The following DISP1 variants were observed in gnomAD, a reference collection of about 807,000 sequenced individuals.
The protein encoded by DISP1 is dispatched RND transporter family member 1, also known as protein dispatched homolog 1.
A neutral mutation model predicts 37.3 loss-of-function variants in DISP1; 30 were observed. That is an observed-to-expected ratio of 0.80 (90% CI 0.60 to 1.09). The LOEUF is 1.09. Ranked by LOEUF, DISP1 falls within the 50% of genes least tolerant of loss-of-function variation. The pLI is 0.00. For synonymous variants in DISP1, 634 were observed against 690.2 expected (o/e 0.92, Z 1.28); for missense variants, 1,598 against 1,879.5 (o/e 0.85, Z 2.77).
chr1:222,824,369 A>G (rs1663747255), intron 1 of DISP1, among the ~76,000 whole-genome samples: 1 of 152,172 alleles, frequency 6.6e-6, no homozygotes, highest in African/African-American at 2.4e-5. Context: ...TTTTGGAGAG[A>G]TTAATTTGTC....
chr1:222,820,485 G>C (rs908655796), intron 1 of DISP1, among the ~76,000 whole-genome samples: 12 of 152,256 alleles, frequency 7.9e-5, no homozygotes, highest in Non-Finnish European at 1.6e-4. Context: ...AGATAGAAAA[G>C]CATGGTGCTT....
chr1:222,887,231 T>C (rs1292420984), intron 1 of DISP1, among the ~76,000 whole-genome samples: 1 of 152,210 alleles, frequency 6.6e-6, no homozygotes, highest in Non-Finnish European at 1.5e-5. Context: ...ATGTTGCTTG[T>C]TAAGGCAGGC....
At chr1:222,902,227 T>C (rs1294903521) in intron 1 of DISP1, among the ~76,000 whole-genome samples, 1 of 152,220 alleles carries the variant, frequency 6.6e-6, no homozygotes, top group Non-Finnish European at 1.5e-5. Context: ...CTTGCTTTTC[T>C]AGTTCTTTTA....
chr1:222,977,184 C>G (rs771478770), intron 3 of DISP1, among the ~76,000 whole-genome samples: 20 of 147,002 alleles, frequency 1.4e-4, no homozygotes, highest in Admixed American at 7.0e-5. Flanking sequence ...CATGCACCAC[C>G]ATGCCCGGCT....
At chr1:222,975,448 C>A (rs1190568387) in intron 3 of DISP1, among the ~76,000 whole-genome samples, 1 of 152,144 alleles carries the variant, frequency 6.6e-6, no homozygotes, top group African/African-American at 2.4e-5. Flanking sequence ...CTCCCCTTCT[C>A]CTTCCAAAAA....
intron 3 of DISP1, among the ~76,000 whole-genome samples, chr1:222,963,734 G>A (rs115417512): frequency 6.6e-6 from 1 of 151,626 alleles, no homozygotes; most frequent in African/African-American, 2.4e-5. Flanking sequence ...ATGGACACTG[G>A]GGGGGAACAA....
chr1:222,971,112 T>TA (rs1433405541), intron 3 of DISP1, among the ~76,000 whole-genome samples: 7 of 152,148 alleles, frequency 4.6e-5, no homozygotes, highest in African/African-American at 1.7e-4. Flanking sequence ...CGCTGATTGT[T>TA]AGAGTTTTGC....
intron 3 of DISP1, among the ~76,000 whole-genome samples, chr1:222,962,727 A>G (rs1188028265): frequency 6.6e-6 from 1 of 152,232 alleles, no homozygotes; most frequent in African/African-American, 2.4e-5. Context: ...GGCTGGCCAT[A>G]TGCAGAAAAC....
chr1:222,955,245 C>T (rs1675515106), intron 3 of DISP1, among the ~76,000 whole-genome samples: 1 of 151,976 alleles, frequency 6.6e-6, no homozygotes, highest in Non-Finnish European at 1.5e-5. Context: ...TGCCACCATG[C>T]CCAGCTAATT....
rs753886707 is a variant in DISP1 at position 223,003,322 on chromosome 1, T to C, written c.1925T>C (p.Leu642Ser). Residue 642 changes from leucine (L) to serine (S), a missense_variant, in exon 9 of 9, where the codon TTG (leucine) becomes TCG (serine). Leu to Ser is a moderately radical substitution (Grantham distance 145). Coordinates refer to ENST00000675850, the MANE Select transcript of DISP1 (RefSeq NM_001377229.1). The surrounding 1 kb of genome is among the most constrained non-coding windows in gnomAD (Gnocchi z 4.3). ...CFGVYAGTAI[L>S]VNYVLMVTWL... Reference sequence around the variant, plus strand: ...GGGGTTTATGCGGGGACAGCTATATTGGTGAATTACGTTTTGATGGTCACA... The same window carrying C: ...GGGGTTTATGCGGGGACAGCTATATCGGTGAATTACGTTTTGATGGTCACA... 6.2e-7 allele frequency: 1 copy of C among 1,614,220 alleles called. No individual in the cohort carries two copies. Among genetic ancestry groups the C allele is most frequent in the South Asian group, 1.1e-5 (1 of 91,086 alleles).
chr1:222,913,211 T>C (rs1255780130), intron 1 of DISP1, among the ~76,000 whole-genome samples: 1 of 152,208 alleles, frequency 6.6e-6, no homozygotes, highest in Non-Finnish European at 1.5e-5. Context: ...TTTAAAGATT[T>C]ACCTATACAA....
rs2102809976 is a variant in DISP1, at chr1:223,005,392, T to A, written c.3995T>A (p.Ile1332Asn). The A allele has an allele frequency of 6.2e-7, 1 of 1,613,412 alleles. No individual in the cohort carries two copies. The highest frequency in any genetic ancestry group is 2.2e-5 in the East Asian group (1 of 44,842). ...GGCTTTGTGCACCCCATCACGCACA[T>A]CCACCACTGTCCCTGCCTGCAGGGC... ...VEGFVHPITH[I>N]HHCPCLQGRV... Residue 1332 changes from isoleucine (I) to asparagine (N), a missense_variant, in exon 9 of 9, where the codon ATC (isoleucine) becomes AAC (asparagine). By Grantham distance (149) the Ile-to-Asn change is moderately radical (BLOSUM62 -3). Transcript: ENST00000675850.
At chr1:223,001,145 A>G (rs943000240) in intron 8 of DISP1, among the ~76,000 whole-genome samples, 1 of 152,120 alleles carries the variant, frequency 6.6e-6, no homozygotes, top group Non-Finnish European at 1.5e-5. Flanking sequence ...CAATTTTTCA[A>G]TTTTTTATAA....
intron 1 of DISP1, among the ~76,000 whole-genome samples, chr1:222,923,813 G>A (rs1672939542): frequency 6.6e-6 from 1 of 152,080 alleles, no homozygotes; most frequent in African/African-American, 2.4e-5. Context: ...CTAAATCTAA[G>A]AGAGAAAGGA....
intron 1 of DISP1, among the ~76,000 whole-genome samples, chr1:222,906,301 G>A (rs1671884081): frequency 6.6e-6 from 1 of 152,138 alleles, no homozygotes; most frequent in African/African-American, 2.4e-5. Flanking sequence ...GGAAAAAAGA[G>A]TTCGATGTGC....
chr1:222,940,166 G>T (rs1438356320), intron 2 of DISP1, among the ~76,000 whole-genome samples: 3 of 151,924 alleles, frequency 2.0e-5, no homozygotes, highest in African/African-American at 7.3e-5. Context: ...CTGAGACTGG[G>T]TAATTTATAA....
chr1:222,907,285 T>C (rs958757950), intron 1 of DISP1, among the ~76,000 whole-genome samples: 1 of 152,206 alleles, frequency 6.6e-6, no homozygotes, highest in African/African-American at 2.4e-5. Flanking sequence ...AGGTCGTGAA[T>C]GTCTAGTCTA....
Position 222,932,891 on chromosome 1 carries a change from T to C in DISP1, c.-18+4321T>C, listed in dbSNP as rs554300236. Among the ~76,000 whole-genome samples the C allele has an allele frequency of 2.4e-4, 36 of 152,144 alleles. 1 individual carries two copies. The East Asian group carries it at 6.0e-3, about 25-fold the overall frequency. On this transcript the variant is annotated intron_variant, in intron 2 of 8. Coordinates refer to ENST00000675850, the MANE Select transcript of DISP1 (RefSeq NM_001377229.1). ...TAGGAAGATAAGTGTTTATGCTAAATGAAGGATATCACTGATATCATTTAC... is the reference window on the plus strand; with the variant it reads ...TAGGAAGATAAGTGTTTATGCTAAACGAAGGATATCACTGATATCATTTAC...
intron 1 of DISP1, chr1:222,837,033 C>A (rs1339223599): frequency 5.0e-6 from 2 of 398,380 alleles, no homozygotes; most frequent in African/African-American, 2.1e-5. Context: ...TTTAAGCTAG[C>A]CCATGACTAC....
Sources: gnomAD v4.1 joint callset for allele counts (sites outside exome capture counted in the v4.1 genomes callset) on GRCh38, gnomAD v4.1.1 for gene constraint, Gnocchi (gnomAD v3.1) non-coding constraint, MANE v1.5 for transcripts, NCBI Gene and HGNC (gene_info 2026-07-23, HGNC 2026-07-21) for gene names.